Variants in CGNL1 observed in about 807,000 individuals in gnomAD.
CGNL1 encodes cingulin like 1, also known as cingulin-like protein 1.
Under a neutral mutation model 141.2 loss-of-function variants are expected in CGNL1, and 132 were observed. The observed-to-expected ratio is 0.93, with a 90% CI of 0.81 to 1.08. The LOEUF is 1.08. Ranked by LOEUF, CGNL1 falls within the 50% of genes least tolerant of loss-of-function variation. The pLI is 0.00. For missense variants in CGNL1, 1,870 were observed against 1,588.6 expected (o/e 1.18, Z -3.01); for synonymous variants, 690 against 622.1 (o/e 1.11, Z -1.63).
intron 14 of CGNL1, among the ~76,000 whole-genome samples, chr15:57,540,603 A>T (rs1238771454): frequency 6.6e-6 from 1 of 152,048 alleles, no homozygotes; most frequent in African/African-American, 2.4e-5. Context: ...CCCTGATCTC[A>T]TTTAGGTTTC....
intron 1 of CGNL1, among the ~76,000 whole-genome samples, chr15:57,405,814 C>CTT (rs1555431016): frequency 3.8e-5 from 5 of 130,204 alleles, no homozygotes; most frequent in East Asian, 2.6e-4. Context: ...TTCTTTCCTT[C>CTT]TTTCTTTCTT....
At position 57,472,238 on chromosome 15, in the gene CGNL1, A is replaced by G. The variant is rs1345653991; in HGVS notation, c.2403+10346A>G. On this transcript the variant is annotated intron_variant, in intron 8 of 18. Transcript: ENST00000281282. Reference sequence around the variant, plus strand: ...CCAGAGACTGGTCCAAGCAGAGGAAATAGCATGTGCAAGGGGGCTTGCAGC... The same window carrying G: ...CCAGAGACTGGTCCAAGCAGAGGAAGTAGCATGTGCAAGGGGGCTTGCAGC... Among the ~76,000 whole-genome samples the G allele has an allele frequency of 2.0e-5, 3 of 152,184 alleles. No individual in the cohort carries two copies. The East Asian group carries it at 5.8e-4, about 29-fold the overall frequency.
At chr15:57,471,603 G>A (rs1595739576) in intron 8 of CGNL1, among the ~76,000 whole-genome samples, 2 of 152,332 alleles carry the variant, frequency 1.3e-5, no homozygotes, top group South Asian at 4.1e-4. Flanking sequence ...GAGCTTGGTC[G>A]CGTGGTCAGG....
intron 1 of CGNL1, among the ~76,000 whole-genome samples, chr15:57,410,679 A>G (rs2152269278): frequency 6.6e-6 from 1 of 152,364 alleles, no homozygotes; most frequent in Admixed American, 6.5e-5. Flanking sequence ...TTTCCACAAT[A>G]TCGGAGGCTA....
At chr15:57,463,471 C>T (rs2063471387) in intron 8 of CGNL1, among the ~76,000 whole-genome samples, 1 of 152,186 alleles carries the variant, frequency 6.6e-6, no homozygotes, top group Non-Finnish European at 1.5e-5. Context: ...AAAAACGAAA[C>T]AGGCGAAGTA....
At chr15:57,405,846 TC>T (rs1283853129) in intron 1 of CGNL1, 1 of 147,960 alleles carries the variant, frequency 6.8e-6, no homozygotes, top group African/African-American at 2.5e-5. Context: ...CTTTTCTTTT[TC>T]TTTCTTTTCT....
chr15:57,533,889 G>A (rs146358633), intron 14 of CGNL1, among the ~76,000 whole-genome samples: 46 of 152,336 alleles, frequency 3.0e-4, no homozygotes, highest in African/African-American at 8.2e-4. Flanking sequence ...GTAAGTCCAG[G>A]GAGGAAGTTA....
chr15:57,411,713 G>A (rs2062790129), intron 1 of CGNL1, among the ~76,000 whole-genome samples: 1 of 151,576 alleles, frequency 6.6e-6, no homozygotes, highest in African/African-American at 2.4e-5. Flanking sequence ...CCAAAGTGCT[G>A]GGATTACAGC....
At chr15:57,505,230 CTGTT>C (rs1348288228) in intron 8 of CGNL1, among the ~76,000 whole-genome samples, 1 of 152,184 alleles carries the variant, frequency 6.6e-6, no homozygotes, top group East Asian at 1.9e-4. Context: ...TTCCTGGACA[CTGTT>C]TGCTGTGTAT....
At chr15:57,393,365 G>A (rs1418786091) in intron 1 of CGNL1, among the ~76,000 whole-genome samples, 1 of 152,160 alleles carries the variant, frequency 6.6e-6, no homozygotes, top group Non-Finnish European at 1.5e-5. Context: ...ACAATTGGAG[G>A]AAAATGTAAA....
chr15:57,544,737 T>C (rs2032763957), intron 16 of CGNL1, 140 bp downstream of exon 16: 1 of 1,036,580 alleles, frequency 9.6e-7, no homozygotes, highest in East Asian at 2.6e-5. Context: ...TTACTTTTAT[T>C]ATTTCCATTT....
chr15:57,432,653 T>C (rs1324097901), intron 1 of CGNL1, among the ~76,000 whole-genome samples: 1 of 152,234 alleles, frequency 6.6e-6, no homozygotes, highest in South Asian at 2.1e-4. Flanking sequence ...GCATTAGGAT[T>C]GTAAACGTGG....
intron 8 of CGNL1, among the ~76,000 whole-genome samples, chr15:57,507,051 C>T (rs547427942): frequency 2.0e-5 from 3 of 152,318 alleles, no homozygotes; most frequent in African/African-American, 7.2e-5. Context: ...ATTTTCATCA[C>T]CCTAAATGAA....
intron 1 of CGNL1, among the ~76,000 whole-genome samples, chr15:57,401,173 G>A (rs2062656782): frequency 6.6e-6 from 1 of 151,880 alleles, no homozygotes; most frequent in Admixed American, 6.6e-5. Flanking sequence ...ATAGCTTCCT[G>A]GTGTTCCTTG....
intron 16 of CGNL1, among the ~76,000 whole-genome samples, chr15:57,545,363 G>T (rs1172941724): frequency 1.3e-5 from 2 of 152,244 alleles, no homozygotes; most frequent in Admixed American, 6.5e-5. Flanking sequence ...CCATGGCTCA[G>T]CCCCTTGCTG....
At chr15:57,388,175 C>CTT (rs1427717339) in intron 1 of CGNL1, among the ~76,000 whole-genome samples, 1 of 152,102 alleles carries the variant, frequency 6.6e-6, no homozygotes, top group African/African-American at 2.4e-5. Context: ...ATTCTGGGGC[C>CTT]TTAGGGTCTG....
intron 8 of CGNL1, among the ~76,000 whole-genome samples, chr15:57,469,648 T>C (rs1235628872): frequency 5.3e-5 from 8 of 152,176 alleles, no homozygotes; most frequent in Non-Finnish European, 7.3e-5. Context: ...TTTCTGCCCA[T>C]ATTTTATATT....
intron 1 of CGNL1, among the ~76,000 whole-genome samples, chr15:57,399,696 A>G (rs1488639838): frequency 6.6e-6 from 1 of 152,100 alleles, no homozygotes; most frequent in Non-Finnish European, 1.5e-5. Context: ...GGAGCGGAGT[A>G]TGGAATCTGT....
chr15:57,516,205 T>C (rs1412604818), intron 8 of CGNL1, among the ~76,000 whole-genome samples: 1 of 147,812 alleles, frequency 6.8e-6, no homozygotes, highest in East Asian at 2.0e-4. Flanking sequence ...ACCCTGCCCA[T>C]GCAAATGGGG....
Sources: gnomAD v4.1 joint callset for allele counts (sites outside exome capture counted in the v4.1 genomes callset) on GRCh38, gnomAD v4.1.1 for gene constraint, MANE v1.5 for transcripts, NCBI Gene and HGNC (gene_info 2026-07-23, HGNC 2026-07-21) for gene names.